GAB2: variants seen among roughly 807,000 people sequenced by gnomAD.
GAB2 encodes the protein GRB2 associated binding protein 2.
Under a neutral mutation model 65.5 loss-of-function variants are expected in GAB2, and 26 were observed. The ratio of observed to expected loss-of-function variants is 0.40; its 90% CI spans 0.29 to 0.55. GAB2 has a LOEUF of 0.55. Ranked by LOEUF, GAB2 falls within the 20% of genes least tolerant of loss-of-function variation. The pLI is 0.53. For missense variants in GAB2, 884 were observed against 875.8 expected, an observed-to-expected ratio of 1.01 and a Z score of -0.12; for synonymous variants, 321 against 329.6, an observed-to-expected ratio of 0.97 and a Z score of 0.28.
chr11:78,413,065 G>C (rs143428979), intron 1 of GAB2, among the ~76,000 whole-genome samples: 2 of 152,348 alleles, frequency 1.3e-5, no homozygotes, highest in African/African-American at 4.8e-5. Flanking sequence ...CTGAGCAGAT[G>C]TGGAGTGAAG....
intron 1 of GAB2, among the ~76,000 whole-genome samples, chr11:78,379,598 T>C (rs1223028049): frequency 6.6e-6 from 1 of 152,224 alleles, no homozygotes; most frequent in South Asian, 2.1e-4. Flanking sequence ...GCTACTATAT[T>C]TCATTAATTC....
chr11:78,387,377 G>A (rs946302863), intron 1 of GAB2, among the ~76,000 whole-genome samples: 3 of 152,072 alleles, frequency 2.0e-5, no homozygotes, highest in Non-Finnish European at 4.4e-5. Flanking sequence ...AAAGTCTAGG[G>A]TACGATGTTC....
At chr11:78,343,704 T>TA (rs1221285482) in intron 1 of GAB2, among the ~76,000 whole-genome samples, 1 of 152,206 alleles carries the variant, frequency 6.6e-6, no homozygotes, top group Admixed American at 6.5e-5. Context: ...TATGTGATTT[T>TA]AAAATTTATA....
At chr11:78,229,887 A>G (rs187890307) in intron 3 of GAB2, among the ~76,000 whole-genome samples, 155 of 152,260 alleles carry the variant, frequency 1.0e-3, no homozygotes, top group Non-Finnish European at 1.9e-3. Context: ...TTATCCTTCA[A>G]ACTCATCTCA....
At chr11:78,410,421 T>C (rs1237934698) in intron 1 of GAB2, among the ~76,000 whole-genome samples, 4 of 152,366 alleles carry the variant, frequency 2.6e-5, no homozygotes, top group Non-Finnish European at 5.9e-5. Context: ...GGAGAACTGC[T>C]GGAACCTGGG....
At chr11:78,229,662 C>T (rs1176139222) in intron 3 of GAB2, among the ~76,000 whole-genome samples, 1 of 152,212 alleles carries the variant, frequency 6.6e-6, no homozygotes, top group Non-Finnish European at 1.5e-5. Context: ...ATTTTCAACA[C>T]CGCCTCAATG....
In GAB2 at chr11:78,220,352, G is replaced by A. The variant is rs1864358476; in HGVS notation, c.1854C>T (p.Asp618=). 1 of 1,613,104 alleles carries A rather than the reference G, an allele frequency of 6.2e-7. No homozygotes were observed. Among genetic ancestry groups the A allele is most frequent in the Non-Finnish European group, 8.5e-7 (1 of 1,179,624 alleles). ...STGSVDYLAL[D]FQPSSPSPHR... ...GGGGGCTTGGGGAGCTCGGCTGGAA[G>A]TCCAGGGCCAGATAATCAACGCTGC... The change falls in exon 9 of 10, where the codon GAC becomes GAT. Residue 618 remains aspartate (D), a synonymous_variant. Coordinates refer to ENST00000361507, the MANE Select transcript of GAB2 (RefSeq NM_080491.3).
intron 1 of GAB2, among the ~76,000 whole-genome samples, chr11:78,405,698 T>C (rs944478966): frequency 1.3e-5 from 2 of 152,096 alleles, no homozygotes; most frequent in African/African-American, 4.8e-5. Flanking sequence ...ATCTAAAAGG[T>C]GAAGAGTAGG....
chr11:78,417,818 G>C lies in GAB2; in HGVS notation c.-98C>G, dbSNP rs1857221845. On this transcript the variant is annotated 5_prime_UTR_variant, in exon 1 of 10. Coordinates refer to ENST00000361507, the MANE Select transcript of GAB2 (RefSeq NM_080491.3). ...GCGGTGCGCAGCTCGCGGGAGGCCA[G>C]GGGCGGGGCGGGCGGCCCGGCGGGG... The C allele has an allele frequency of 1.9e-6, 1 of 525,790 alleles. No homozygotes were observed. Among genetic ancestry groups the C allele is most frequent in the Non-Finnish European group, 2.4e-6 (1 of 411,100 alleles). 32.6% of individuals were successfully genotyped at this position (525,790 alleles called of 1,614,324 possible).
At chr11:78,264,406 CT>C (rs71473373) in intron 2 of GAB2, among the ~76,000 whole-genome samples, 39,056 of 145,886 alleles carry the variant, frequency 0.27, 5,963 homozygotes, top group African/African-American at 0.43. Flanking sequence ...ATTTCTTTTT[CT>C]TTTTTTTTTT....
chr11:78,266,312 T>C (rs1051470519), intron 2 of GAB2, among the ~76,000 whole-genome samples: 2 of 151,532 alleles, frequency 1.3e-5, no homozygotes, highest in African/African-American at 4.8e-5. Context: ...AGACGCGTCC[T>C]TACCCTTGTC....
At chr11:78,378,070 G>C (rs962228523) in intron 1 of GAB2, among the ~76,000 whole-genome samples, 1 of 152,140 alleles carries the variant, frequency 6.6e-6, no homozygotes, top group Admixed American at 6.5e-5. Context: ...CCAATTCCCT[G>C]GCCATAATGG....
intron 1 of GAB2, among the ~76,000 whole-genome samples, chr11:78,351,346 G>C (rs371135634): frequency 1.3e-5 from 2 of 152,104 alleles, no homozygotes; most frequent in Non-Finnish European, 2.9e-5. Flanking sequence ...ACTGCTCTAG[G>C]GGGCAGGGGA....
intron 1 of GAB2, among the ~76,000 whole-genome samples, chr11:78,283,672 G>A (rs1866392405): frequency 6.6e-6 from 1 of 151,964 alleles, no homozygotes; most frequent in African/African-American, 2.4e-5. Context: ...CAACTCATGG[G>A]CCTTAACTTG....
intron 1 of GAB2, among the ~76,000 whole-genome samples, chr11:78,385,040 TA>T (rs1175558014): frequency 6.6e-6 from 1 of 152,100 alleles, no homozygotes; most frequent in Non-Finnish European, 1.5e-5. Context: ...GGGTTAAAGC[TA>T]AAAAATGACA....
intron 3 of GAB2, among the ~76,000 whole-genome samples, chr11:78,248,368 G>C (rs944005153): frequency 5.9e-5 from 9 of 152,224 alleles, no homozygotes; most frequent in Non-Finnish European, 1.2e-4. Context: ...CTTCTACTTA[G>C]TGTGAGCTGT....
chr11:78,408,384 A>T (rs1032637613), intron 1 of GAB2, among the ~76,000 whole-genome samples: 1 of 152,238 alleles, frequency 6.6e-6, no homozygotes, highest in Non-Finnish European at 1.5e-5. Context: ...CCACTAAAAA[A>T]GCTGTATAGA....
chr11:78,278,775 C>A (rs1231685214), intron 2 of GAB2, among the ~76,000 whole-genome samples: 1 of 151,812 alleles, frequency 6.6e-6, no homozygotes, highest in Non-Finnish European at 1.5e-5. Context: ...GGCTGGAGTG[C>A]AGTGGTGTGA....
intron 1 of GAB2, among the ~76,000 whole-genome samples, chr11:78,317,558 CAAAAAAAAAAA>C (rs370515492): frequency 3.3e-5 from 2 of 60,806 alleles, no homozygotes; most frequent in African/African-American, 6.2e-5. Context: ...GACTCCGTCT[CAAAAAAAAAAA>C]AAAAAAAAAA....
Sources: allele counts gnomAD v4.1 joint callset (sites outside exome capture counted in the v4.1 genomes callset), GRCh38; gene constraint gnomAD v4.1.1; transcripts MANE v1.5; gene names NCBI Gene and HGNC (gene_info 2026-07-23, HGNC 2026-07-21).